Variants in RAB3GAP2 observed in about 807,000 individuals in gnomAD.
RAB3GAP2 encodes RAB3 GTPase activating non-catalytic protein subunit 2, also known as rab3 GTPase-activating protein non-catalytic subunit.
RAB3GAP2 carries 87 observed loss-of-function variants against 185.3 expected under a neutral mutation model. The ratio of observed to expected loss-of-function variants is 0.47; its 90% CI spans 0.39 to 0.56. The LOEUF is 0.56. Ranked by LOEUF, RAB3GAP2 falls within the 20% of genes least tolerant of loss-of-function variation. RAB3GAP2 has a pLI of 0.00. For missense variants in RAB3GAP2, 1,492 were observed against 1,638.2 expected (o/e 0.91, Z 1.54); for synonymous variants, 554 against 576.1 (o/e 0.96, Z 0.55).
rs188522997 is a variant in RAB3GAP2 at position 220,193,252 on chromosome 1, G to T, written c.1258C>A (p.Arg420Ser). ...TTGTAAGAAGTACCTTTCCACATGC[G>T]TATTGCAATTCCTCTAGCTACATCC... is the stretch of plus-strand genomic sequence containing the variant. ...LLDVARGIAI[R>S]MWKGYRDAQI... The change falls in exon 13 of 35, where the codon CGC becomes AGC. Residue 420 changes from arginine (R) to serine (S), a missense_variant. This residue lies in a region of RAB3GAP2 where 681 missense variants were observed against 689.1 expected (regional missense o/e 0.99). Transcript: ENST00000358951. 1 of 1,613,912 alleles carries T rather than the reference G, an allele frequency of 6.2e-7. No individual in the cohort carries two copies. Among genetic ancestry groups the T allele is most frequent in the Admixed American group, 1.7e-5 (1 of 60,002 alleles).
At chr1:220,189,944 T>C (rs954051409) in intron 16 of RAB3GAP2, 120 bp downstream of exon 16, 12 of 1,089,388 alleles carry the variant, frequency 1.1e-5, no homozygotes, top group South Asian at 2.7e-5. Context: ...ACTTCAGCCT[T>C]ACAGAGCAAT....
At chr1:220,152,453 C>T (rs958681424) in intron 33 of RAB3GAP2, among the ~76,000 whole-genome samples, 1 of 152,340 alleles carries the variant, frequency 6.6e-6, no homozygotes, top group East Asian at 1.9e-4. Flanking sequence ...CCGGGCCAGC[C>T]TCCCTGCCTC....
chr1:220,160,858 G>A (rs948744499), intron 28 of RAB3GAP2, among the ~76,000 whole-genome samples: 1 of 152,116 alleles, frequency 6.6e-6, no homozygotes, highest in African/African-American at 2.4e-5. Context: ...TGAGCTCTTT[G>A]AGGGCCAGGA....
chr1:220,151,110 T>C lies in RAB3GAP2; in HGVS notation c.*141A>G. 1.2e-6 allele frequency: 1 copy of C among 853,884 alleles called. No homozygotes were observed. The highest frequency in any genetic ancestry group is 1.8e-5 in the South Asian group (1 of 55,796). The allele number at this position is 853,884 out of a possible 1,614,324, so 52.9% of individuals were successfully genotyped here. ...TAGCCAGGGTTGCACTTTTTAAAAG[T>C]TGTATATACTTTTATTTATTTTACA... On this transcript the variant is annotated 3_prime_UTR_variant, in exon 35 of 35. Transcript: ENST00000358951.
intron 4 of RAB3GAP2, chr1:220,211,444 C>T (rs1047541406): frequency 6.6e-6 from 3 of 455,112 alleles, no homozygotes; most frequent in African/African-American, 4.0e-5. Context: ...CTGCCAGTCA[C>T]GTTACATGCA....
rs143793588 is a variant in RAB3GAP2, at chr1:220,195,094, T to A, written c.1114A>T (p.Thr372Ser). ...QKQKPKVEPA[T>S]PLAVRFGLPD... is the part of the protein sequence containing the mutation. Reference sequence around the variant, plus strand: ...CAGACTTGCCTTACAGCTAATGGGGTAGCTGGCTCAACCTTCGGCTTTTGC... The same window carrying A: ...CAGACTTGCCTTACAGCTAATGGGGAAGCTGGCTCAACCTTCGGCTTTTGC... Residue 372 changes from threonine to serine, a missense_variant, in exon 12 of 35, where the codon ACC becomes TCC. Physicochemically the swap from Thr to Ser is moderately conservative, Grantham distance 58 (BLOSUM62 1). Coordinates refer to ENST00000358951, the MANE Select transcript of RAB3GAP2 (RefSeq NM_012414.4). 55 of 1,613,980 alleles carry A rather than the reference T, an allele frequency of 3.4e-5. No homozygotes were observed. Among genetic ancestry groups the A allele is most frequent in the Middle Eastern group, 1.6e-4 (1 of 6,084 alleles).
At chr1:220,270,229 C>A (rs1349174084) in intron 1 of RAB3GAP2, among the ~76,000 whole-genome samples, 1 of 152,222 alleles carries the variant, frequency 6.6e-6, no homozygotes, top group African/African-American at 2.4e-5. Flanking sequence ...TTCTTTTACT[C>A]CTTCTCAGTC....
intron 2 of RAB3GAP2, among the ~76,000 whole-genome samples, chr1:220,224,005 CAAAAAA>C (rs1170784100): frequency 2.2e-5 from 2 of 90,180 alleles, no homozygotes; most frequent in Admixed American, 1.2e-4. Context: ...GACCCTATCT[CAAAAAA>C]AAAAAAAAAA....
Position 220,214,748 on chromosome 1 carries a change from T to C in RAB3GAP2, c.181-769A>G, listed in dbSNP as rs879052344. On this transcript the variant is annotated intron_variant, in intron 2 of 34. Transcript: ENST00000358951. ...TCTTTTTCATTAGACGTTTATGTAT[T>C]GTATAGGTAAATCCCCATGGTTAAA... is the stretch of plus-strand genomic sequence containing the variant. Among the ~76,000 whole-genome samples, 4 of 151,744 alleles carry C rather than the reference T, an allele frequency of 2.6e-5. No homozygotes were observed. The East Asian group carries it at 7.7e-4, about 29-fold the overall frequency.
At chr1:220,269,854 C>A (rs756763348) in intron 1 of RAB3GAP2, among the ~76,000 whole-genome samples, 113 of 152,202 alleles carry the variant, frequency 7.4e-4, no homozygotes, top group Non-Finnish European at 7.8e-4. Context: ...ATATCATAGC[C>A]CAGGTTGAGA....
At chr1:220,164,848 A>C in intron 26 of RAB3GAP2, 49 bp from the exon 27 acceptor site, 1 of 1,548,566 alleles carries the variant, frequency 6.5e-7, no homozygotes, top group Non-Finnish European at 8.8e-7. Context: ...GTATCATTTA[A>C]TAGGTTTTAC....
At chr1:220,202,801 G>A (rs1658887085) in intron 8 of RAB3GAP2, among the ~76,000 whole-genome samples, 1 of 152,140 alleles carries the variant, frequency 6.6e-6, no homozygotes, top group Admixed American at 6.6e-5. Context: ...AAATGAGCCA[G>A]GCGTGGTGGT....
Position 220,263,591 on chromosome 1 carries a change from C to G in RAB3GAP2, c.115+8632G>C, listed in dbSNP as rs78863208. 3.7e-3 allele frequency among the ~76,000 whole-genome samples: 560 copies of G among 152,150 alleles called. 7 individuals carry two copies. Among genetic ancestry groups the G allele is most frequent in the African/African-American group, 0.013 (548 of 41,548 alleles). On this transcript the variant is annotated intron_variant, in intron 1 of 34. Coordinates refer to ENST00000358951, the MANE Select transcript of RAB3GAP2 (RefSeq NM_012414.4). ...TCTTGGCACACTTGCTGAAGATCAT[C>G]TTGACCATGTATGTGAGGGTTTACT...
Position 220,158,209 on chromosome 1 carries a change from C to T in RAB3GAP2, c.3262-333G>A, listed in dbSNP as rs1657895335. Reference sequence around the variant, plus strand: ...TTCAGCTTGCTAAGGCATCTGGTAGCCAAATAATCGTGGTAGATGGAAGAT... The same window carrying T: ...TTCAGCTTGCTAAGGCATCTGGTAGTCAAATAATCGTGGTAGATGGAAGAT... On this transcript the variant is annotated intron_variant, in intron 29 of 34. Transcript: ENST00000358951. The surrounding 1 kb of genome is among the most constrained non-coding windows in gnomAD (Gnocchi z 4.3). Among the ~76,000 whole-genome samples the T allele has an allele frequency of 6.6e-6, 1 of 152,088 alleles. No individual in the cohort carries two copies. The highest frequency in any genetic ancestry group is 2.1e-4 in the South Asian group (1 of 4,820).
intron 4 of RAB3GAP2, among the ~76,000 whole-genome samples, chr1:220,212,392 A>C (rs1659099888): frequency 2.0e-5 from 3 of 152,208 alleles, no homozygotes; most frequent in Admixed American, 2.0e-4. Context: ...TAATTACACG[A>C]TATATAAAAT....
chr1:220,247,930 AAATT>A (rs1269395185), intron 1 of RAB3GAP2, among the ~76,000 whole-genome samples: 5 of 152,132 alleles, frequency 3.3e-5, no homozygotes, highest in South Asian at 4.1e-4. Context: ...ATGAAAATAG[AAATT>A]AATTAGAAAC....
rs984463954 is a variant in RAB3GAP2 at position 220,182,733 on chromosome 1, C to G, written c.2197G>C (p.Glu733Gln). 1.2e-6 allele frequency: 2 copies of G among 1,601,260 alleles called. No individual in the cohort carries two copies. Among genetic ancestry groups the G allele is most frequent in the African/African-American group, 2.7e-5 (2 of 74,604 alleles). ...TTTTACCTACCTAAAGCCACATATT[C>G]CTCTTCACTTATTTTCTTTATGTTG... ...VLNIKKISEEEYVALGSFFFW... is the reference protein window; with the variant it reads ...VLNIKKISEEQYVALGSFFFW... The change falls in exon 20 of 35, where the codon GAA becomes CAA. Residue 733 changes from glutamate to glutamine, a missense_variant. Physicochemically the swap from Glu to Gln is conservative, Grantham distance 29. Coordinates refer to ENST00000358951, the MANE Select transcript of RAB3GAP2 (RefSeq NM_012414.4).
intron 17 of RAB3GAP2, among the ~76,000 whole-genome samples, chr1:220,187,089 AATCACTATTCACTAAATTCTCCCATGT>A (rs374378016): frequency 2.6e-3 from 392 of 152,342 alleles, no homozygotes; most frequent in African/African-American, 6.5e-3. Flanking sequence ...CTGCAACAGA[AATCACTATTCACTAAATTCTCCCATGT>A]ATCACTATTC....
At chr1:220,266,910 C>T (rs1484090600) in intron 1 of RAB3GAP2, 1 of 1,589,386 alleles carries the variant, frequency 6.3e-7, no homozygotes, top group Non-Finnish European at 8.6e-7. Flanking sequence ...TTTTGTAGGT[C>T]TCTTGGTATG....
Sources: gnomAD v4.1 joint callset for allele counts (sites outside exome capture counted in the v4.1 genomes callset) on GRCh38, gnomAD v4.1.1 for gene constraint, gnomAD v4.1.1 regional missense constraint, Gnocchi (gnomAD v3.1) non-coding constraint, MANE v1.5 for transcripts, NCBI Gene and HGNC (gene_info 2026-07-23, HGNC 2026-07-21) for gene names.